PEX26: variants seen among roughly 807,000 people sequenced by gnomAD.
The protein encoded by PEX26 is peroxisomal biogenesis factor 26, also known as peroxisome assembly protein 26.
Under a neutral mutation model 31.4 loss-of-function variants are expected in PEX26, and 18 were observed. The ratio of observed to expected loss-of-function variants is 0.57; its 90% CI spans 0.40 to 0.85. The LOEUF (loss-of-function observed/expected upper bound fraction) is 0.85, where lower values mean the gene tolerates loss of function less well. Ranked by LOEUF, PEX26 falls within the 40% of genes least tolerant of loss-of-function variation. The probability of loss-of-function intolerance (pLI) is 0.00; values close to 1 mark genes in which losing one functional copy is unlikely to be tolerated. For synonymous variants in PEX26, 176 were observed against 166.9 expected (o/e 1.05, Z -0.42); for missense variants, 377 against 383.9 (o/e 0.98, Z 0.15).
intron 4 of PEX26, 122 bp downstream of exon 4, chr22:18,085,380 C>G (rs749141893): frequency 9.8e-7 from 1 of 1,024,426 alleles, no homozygotes; most frequent in Non-Finnish European, 1.5e-6. Flanking sequence ...TGACATTTCC[C>G]CTGAGTCTGT....
At chr22:18,079,721 G>A in intron 1 of PEX26, among the ~76,000 whole-genome samples, 153 bp from the exon 2 acceptor site, 1 of 152,206 alleles carries the variant, frequency 6.6e-6, no homozygotes, top group Non-Finnish European at 1.5e-5. Flanking sequence ...GGCAGCCCAT[G>A]AGACCAATTG....
rs1556593958 is a variant in PEX26, at chr22:18,093,576, A to AC, written c.*5502dup. 4.1e-5 allele frequency: 6 copies of AC among 147,350 alleles called. No individual in the cohort carries two copies. Among genetic ancestry groups the AC allele is most frequent in the Admixed American group, 2.7e-4 (4 of 14,990 alleles). 9.1% of individuals were successfully genotyped at this position (147,350 alleles called of 1,614,324 possible). A position where few individuals can be genotyped will look rare whatever the true frequency, so the allele number is the denominator to read the frequency against. ...AGACTCCGTCTTAAAAAAAAAAAAA[A>AC]CAAAAATAAACCTTTTAAATAAAGT... On this transcript the variant is annotated 3_prime_UTR_variant, in exon 5 of 5. Coordinates refer to ENST00000399744, the MANE Select transcript of PEX26 (RefSeq NM_001127649.3).
rs1376756973 is a variant in PEX26, at chr22:18,078,249, G to T, written c.-128G>T. ...TTTTCCTTCTCGGGGAATCGACCTCGGGAAGGGGTGTGGGCAAAGAGATGA... is the reference window on the plus strand; with the variant it reads ...TTTTCCTTCTCGGGGAATCGACCTCTGGAAGGGGTGTGGGCAAAGAGATGA... On this transcript the variant is annotated 5_prime_UTR_variant, in exon 1 of 5. Transcript: ENST00000399744. 4 of 754,860 alleles carry T rather than the reference G, an allele frequency of 5.3e-6. No individual in the cohort carries two copies. In the East Asian group the frequency reaches 1.1e-4, roughly 20 times the overall value. 46.8% of individuals were successfully genotyped at this position (754,860 alleles called of 1,614,324 possible).
rs1024859038 is a variant in PEX26 at position 18,094,559 on chromosome 22, G to A, written c.*6484G>A. The A allele has an allele frequency of 1.3e-5, 2 of 152,158 alleles. No individual in the cohort carries two copies. Among genetic ancestry groups the A allele is most frequent in the African/African-American group, 4.8e-5 (2 of 41,434 alleles). The allele number at this position is 152,158 out of a possible 1,614,324, so 9.4% of individuals were successfully genotyped here. Reference sequence around the variant, plus strand: ...TAATTTACATGGAGAAGTTTCTTAGGTGGAAAACCGATTTGTATGGTCCTC... The same window carrying A: ...TAATTTACATGGAGAAGTTTCTTAGATGGAAAACCGATTTGTATGGTCCTC... On this transcript the variant is annotated 3_prime_UTR_variant, in exon 5 of 5. Transcript: ENST00000399744.
intron 4 of PEX26, among the ~76,000 whole-genome samples, chr22:18,086,680 GTTC>G (rs1304269784): frequency 6.6e-6 from 1 of 152,098 alleles, no homozygotes; most frequent in East Asian, 1.9e-4. Context: ...TGTGAGTTAT[GTTC>G]TAATCTCTAC....
chr22:18,100,108 T>C lies in PEX26; in HGVS notation c.*12033T>C, dbSNP rs1927409166. ...TATTATTTTTGAGATAGAGTTTCAA[T>C]CTTGTTGCCCAGGCTGGAGTGCAAT... On this transcript the variant is annotated 3_prime_UTR_variant, in exon 5 of 5. Transcript: ENST00000399744. The C allele has an allele frequency of 6.6e-6, 1 of 152,182 alleles. No homozygotes were observed. The highest frequency in any genetic ancestry group is 1.5e-5 in the Non-Finnish European group (1 of 68,052). The allele number at this position is 152,182 out of a possible 1,614,324, so 9.4% of individuals were successfully genotyped here.
Position 18,078,518 on chromosome 22 carries a change from C to A in PEX26, c.142C>A (p.His48Asn). 6.4e-7 allele frequency: 1 copy of A among 1,573,670 alleles called. No individual in the cohort carries two copies. Among genetic ancestry groups the A allele is most frequent in the Non-Finnish European group, 8.6e-7 (1 of 1,162,876 alleles). Reference sequence around the variant, plus strand: ...GGAGGCGGCCGACCTCCTGGTGGTGCACCTGGACTTCCGGGCGGCGCTGGA... The same window carrying A: ...GGAGGCGGCCGACCTCCTGGTGGTGAACCTGGACTTCCGGGCGGCGCTGGA... ...LEEAADLLVV[H>N]LDFRAALETC... is the part of the protein sequence containing the mutation. The change falls in exon 1 of 5, where the codon CAC becomes AAC. Residue 48 changes from histidine (H) to asparagine (N), a missense_variant. Physicochemically the swap from His to Asn is moderately conservative, Grantham distance 68. Coordinates refer to ENST00000399744, the MANE Select transcript of PEX26 (RefSeq NM_001127649.3).
chr22:18,091,401 G>A lies in PEX26; in HGVS notation c.*3326G>A, dbSNP rs1007440899. On this transcript the variant is annotated 3_prime_UTR_variant, in exon 5 of 5. Transcript: ENST00000399744. ...TAATCCCAGCACTTTGGGAGGCCAA[G>A]GTGGGTGAATCACCTGAAGTCAGGA... 4 of 152,300 alleles carry A rather than the reference G, an allele frequency of 2.6e-5. No homozygotes were observed. The highest frequency in any genetic ancestry group is 4.4e-5 in the Non-Finnish European group (3 of 68,082). 9.4% of individuals were successfully genotyped at this position (152,300 alleles called of 1,614,324 possible).
intron 2 of PEX26, 64 bp from the exon 3 acceptor site, chr22:18,083,373 A>G (rs1602462263): frequency 6.5e-7 from 1 of 1,532,436 alleles, no homozygotes; most frequent in Non-Finnish European, 9.0e-7. Context: ...TGGTCATGGG[A>G]AATGAACCAA....
rs528915243 is a variant in PEX26 at position 18,101,643 on chromosome 22, G to C, written c.*13568G>C. 1 of 215,020 alleles carries C rather than the reference G, an allele frequency of 4.7e-6. No individual in the cohort carries two copies. The highest frequency in any genetic ancestry group is 1.1e-4 in the South Asian group (1 of 9,422). 13.3% of individuals were successfully genotyped at this position (215,020 alleles called of 1,614,324 possible). ...AGAAAAGAATGTGGCCACCTTCCAA[G>C]GCTCAGAGTAGCTGTGCAATGACTT... is the stretch of plus-strand genomic sequence containing the variant. On this transcript the variant is annotated 3_prime_UTR_variant, in exon 5 of 5. Coordinates refer to ENST00000399744, the MANE Select transcript of PEX26 (RefSeq NM_001127649.3).
Position 18,078,319 on chromosome 22 carries a change from C to A in PEX26, c.-58C>A. ...AGGCCAACTCGGGATATCCCGGAGC[C>A]TCTGGGGAGGCGGTCACTCCGACGT... On this transcript the variant is annotated 5_prime_UTR_variant, in exon 1 of 5. Coordinates refer to ENST00000399744, the MANE Select transcript of PEX26 (RefSeq NM_001127649.3). The A allele has an allele frequency of 7.8e-7, 1 of 1,276,508 alleles. No homozygotes were observed. Among genetic ancestry groups the A allele is most frequent in the Non-Finnish European group, 1.1e-6 (1 of 893,410 alleles). 79.1% of individuals were successfully genotyped at this position (1,276,508 alleles called of 1,614,324 possible). A position where few individuals can be genotyped will look rare whatever the true frequency, so the allele number is the denominator to read the frequency against.
chr22:18,079,842 C>T, intron 1 of PEX26, 32 bp from the exon 2 acceptor site: 1 of 1,613,636 alleles, frequency 6.2e-7, no homozygotes, highest in Non-Finnish European at 8.5e-7. Context: ...AGGGGAACCA[C>T]TTCTAACTGA....
In PEX26 at chr22:18,083,484, TGGTG is replaced by T. The variant is rs1926703383; in HGVS notation, c.424_427del (p.Gly142ProfsTer38). ...CAAGAGCCTGGAGCTGTGCTGGATG[TGGTG>T]GGTGCCTGGCTCCAAGACCCAGCCA... On this transcript the variant is annotated frameshift_variant, in exon 3 of 5. Transcript: ENST00000399744. LOFTEE classifies it high-confidence loss of function. 1.2e-6 allele frequency: 2 copies of T among 1,614,032 alleles called. No individual in the cohort carries two copies. Among genetic ancestry groups the T allele is most frequent in the Non-Finnish European group, 1.7e-6 (2 of 1,180,022 alleles).
Position 18,088,231 on chromosome 22 carries a change from C to T in PEX26, c.*156C>T. On this transcript the variant is annotated 3_prime_UTR_variant, in exon 5 of 5. Transcript: ENST00000399744. The surrounding 1 kb of genome is among the most constrained non-coding windows in gnomAD (Gnocchi z 4.1). ...TGCTGCCTGGGTGCCCTCTCCTTTG[C>T]ACCCTACTTCGGCTGGTCGCGGTAG... The T allele has an allele frequency of 1.4e-6, 1 of 723,456 alleles. No homozygotes were observed. Among genetic ancestry groups the T allele is most frequent in the Non-Finnish European group, 2.5e-6 (1 of 397,048 alleles). 44.8% of individuals were successfully genotyped at this position (723,456 alleles called of 1,614,324 possible).
chr22:18,085,890 C>G (rs188539755), intron 4 of PEX26, among the ~76,000 whole-genome samples: 2 of 151,406 alleles, frequency 1.3e-5, no homozygotes, highest in Admixed American at 1.3e-4. Flanking sequence ...AAACAAAAAA[C>G]AAAAAAACTT....
rs375860434 is a variant in PEX26 at position 18,089,706 on chromosome 22, G to GTTTGT, written c.*1634_*1638dup. The GTTTGT allele has an allele frequency of 9.1e-6, 1 of 110,038 alleles. No homozygotes were observed. Among genetic ancestry groups the GTTTGT allele is most frequent in the Admixed American group, 9.5e-5 (1 of 10,568 alleles). 6.8% of individuals were successfully genotyped at this position (110,038 alleles called of 1,614,324 possible). A position where few individuals can be genotyped will look rare whatever the true frequency, so the allele number is the denominator to read the frequency against. On this transcript the variant is annotated 3_prime_UTR_variant, in exon 5 of 5. Coordinates refer to ENST00000399744, the MANE Select transcript of PEX26 (RefSeq NM_001127649.3). ...AAGTTTTCTTTTGTTTTGTTTGTTT[G>GTTTGT]TTTGTTTGTTTGTTTTTGAGATGGA... is the stretch of plus-strand genomic sequence containing the variant.
intron 4 of PEX26, among the ~76,000 whole-genome samples, chr22:18,086,384 T>C (rs982722593): frequency 6.6e-6 from 1 of 152,244 alleles, no homozygotes; most frequent in African/African-American, 2.4e-5. Context: ...TTCAGTCTTT[T>C]TCTATGGATA....
intron 3 of PEX26, among the ~76,000 whole-genome samples, chr22:18,084,696 C>T (rs1272088127): frequency 6.6e-6 from 1 of 151,590 alleles, no homozygotes; most frequent in East Asian, 1.9e-4. Flanking sequence ...AGGCTTTAGC[C>T]AATACCTAAT....
In PEX26 at chr22:18,083,440, T is replaced by C. The variant is rs1477034688; in HGVS notation, c.375T>C (p.Ile125=). Residue 125 remains isoleucine (I), a synonymous_variant, in exon 3 of 5, where the codon ATT becomes ATC. Coordinates refer to ENST00000399744, the MANE Select transcript of PEX26 (RefSeq NM_001127649.3). ...TTGGGTTTTTTGGGGACTGCAGCAT[T>C]CTTTTATACAGCAAAATGCAAGAGC... ...KLPPKVLELC[I]LLYSKMQEPG... is the part of the protein sequence containing the mutation. 1 of 1,613,918 alleles carries C rather than the reference T, an allele frequency of 6.2e-7. No individual in the cohort carries two copies. The highest frequency in any genetic ancestry group is 2.2e-5 in the East Asian group (1 of 44,882).
Sources: allele counts gnomAD v4.1 joint callset (sites outside exome capture counted in the v4.1 genomes callset), GRCh38; gene constraint gnomAD v4.1.1; non-coding constraint Gnocchi (gnomAD v3.1); transcripts MANE v1.5; gene names NCBI Gene and HGNC (gene_info 2026-07-23, HGNC 2026-07-21).